OTUD6B: variants seen among roughly 807,000 people sequenced by gnomAD.
The protein encoded by OTUD6B is deubiquitinase OTUD6B.
A neutral mutation model predicts 36.9 loss-of-function variants in OTUD6B; 41 were observed. That is an observed-to-expected ratio of 1.11 (90% CI 0.87 to 1.44). OTUD6B has a LOEUF of 1.44. Among genes scored for constraint, OTUD6B ranks in the 40% most tolerant of loss-of-function variants. The probability of loss-of-function intolerance (pLI) is 0.00; values close to 1 mark genes in which losing one functional copy is unlikely to be tolerated. For missense variants in OTUD6B, 356 were observed against 344.8 expected, an observed-to-expected ratio of 1.03 and a Z score of -0.26; for synonymous variants, 114 against 114.2, an observed-to-expected ratio of 1.00 and a Z score of 0.01.
At chr8:91,076,618 G>A in intron 3 of OTUD6B, 1 of 1,532,604 alleles carries the variant, frequency 6.5e-7, no homozygotes, top group Non-Finnish European at 8.7e-7. Flanking sequence ...AGCTCTCTGT[G>A]TTGTCCTTGG....
At position 91,086,333 on chromosome 8, in the gene OTUD6B, C is replaced by A. The variant is rs1157126819; in HGVS notation, c.*1465C>A. 6.6e-6 allele frequency: 1 copy of A among 152,042 alleles called. No homozygotes were observed. Among genetic ancestry groups the A allele is most frequent in the Non-Finnish European group, 1.5e-5 (1 of 67,970 alleles). The allele number at this position is 152,042 out of a possible 1,614,324, so 9.4% of individuals were successfully genotyped here. On this transcript the variant is annotated 3_prime_UTR_variant, in exon 7 of 7. Transcript: ENST00000404789. ...GGGAAGCTGGCAGGGTCATTGATAGCAAGTAAGTACTTCCTGAAGGCTTTC... is the reference window on the plus strand; with the variant it reads ...GGGAAGCTGGCAGGGTCATTGATAGAAAGTAAGTACTTCCTGAAGGCTTTC...
chr8:91,073,879 C>G lies in OTUD6B; in HGVS notation c.283C>G (p.Pro95Ala). The change falls in exon 3 of 7, where the codon CCA (proline) becomes GCA (alanine). Residue 95 changes from proline (P) to alanine (A), a missense_variant. By Grantham distance (27) the Pro-to-Ala change is conservative (BLOSUM62 -1). Transcript: ENST00000404789. ...NISNLVLENQ[P>A]PRISKAQKRR... is the part of the protein sequence containing the mutation. ...TTCAAACTTGGTGCTTGAGAATCAG[C>G]CACCTCGGATATCAAAAGCACAAAA... 1 of 1,593,442 alleles carries G rather than the reference C, an allele frequency of 6.3e-7. No homozygotes were observed. The highest frequency in any genetic ancestry group is 1.1e-5 in the South Asian group (1 of 87,736).
intron 4 of OTUD6B, among the ~76,000 whole-genome samples, chr8:91,080,075 T>G (rs1345378944): frequency 6.6e-6 from 1 of 152,154 alleles, no homozygotes; most frequent in African/African-American, 2.4e-5. Flanking sequence ...TGATTAGGTC[T>G]TTTATTTCTC....
rs777617234 is a variant in OTUD6B at position 91,071,206 on chromosome 8, G to T, written c.151G>T (p.Asp51Tyr). Residue 51 changes from aspartate (D) to tyrosine (Y), a missense_variant, in exon 2 of 7, where the codon GAT (aspartate) becomes TAT (tyrosine). Asp to Tyr is a radical substitution (Grantham distance 160). Transcript: ENST00000404789. ...GAAGAGGAGGAAGCAACTCACCGAA[G>T]ATGTGGCCAAGTTGGAAAAAGAAAT... Reference protein sequence around the residue: ...DKKRRKQLTEDVAKLEKEMEQ... With the variant: ...DKKRRKQLTEYVAKLEKEMEQ... 2 of 1,613,868 alleles carry T rather than the reference G, an allele frequency of 1.2e-6. No homozygotes were observed. Among genetic ancestry groups the T allele is most frequent in the South Asian group, 1.1e-5 (1 of 91,078 alleles).
intron 4 of OTUD6B, 50 bp from the exon 5 acceptor site, chr8:91,080,619 C>T: frequency 6.5e-7 from 1 of 1,545,440 alleles, no homozygotes; most frequent in Non-Finnish European, 8.7e-7. Flanking sequence ...GATTTTGTAA[C>T]ATGAGTTACA....
At chr8:91,075,043 G>C (rs1048237435) in intron 3 of OTUD6B, among the ~76,000 whole-genome samples, 2 of 151,996 alleles carry the variant, frequency 1.3e-5, no homozygotes, top group African/African-American at 4.8e-5. Context: ...TGTATAGTAT[G>C]CCTCTTAAAA....
chr8:91,084,726 A>G (rs1015256553), intron 6 of OTUD6B, 58 bp from the exon 7 acceptor site: 13 of 1,333,840 alleles, frequency 9.7e-6, no homozygotes, highest in Middle Eastern at 2.4e-4. Flanking sequence ...ATAAGCATAT[A>G]TATATAGAAA....
intron 4 of OTUD6B, chr8:91,079,339 CAT>C (rs1812857519): frequency 1.3e-5 from 2 of 152,144 alleles, no homozygotes; most frequent in South Asian, 4.1e-4. Flanking sequence ...TCCCACAAGT[CAT>C]ATGGCCAGAA....
At chr8:91,070,950 T>G in intron 1 of OTUD6B, 188 bp from the exon 2 acceptor site, 2 of 538,098 alleles carry the variant, frequency 3.7e-6, no homozygotes, top group Non-Finnish European at 4.7e-6. Flanking sequence ...TTAATGAAGT[T>G]TTTTTTTTTT....
intron 5 of OTUD6B, 86 bp from the exon 6 acceptor site, chr8:91,083,922 C>T: frequency 6.6e-7 from 1 of 1,521,230 alleles, no homozygotes; most frequent in South Asian, 1.3e-5. Flanking sequence ...CAGCGTATCC[C>T]TGCTCTGACT....
At chr8:91,073,208 A>G (rs1812731415) in intron 2 of OTUD6B, among the ~76,000 whole-genome samples, 1 of 152,212 alleles carries the variant, frequency 6.6e-6, no homozygotes, top group Non-Finnish European at 1.5e-5. Flanking sequence ...TTGCAGTAAT[A>G]ATGGCTACTC....
At chr8:91,083,466 T>G (rs1055913920) in intron 5 of OTUD6B, among the ~76,000 whole-genome samples, 9 of 152,162 alleles carry the variant, frequency 5.9e-5, no homozygotes, top group Admixed American at 2.0e-4. Context: ...AGGCAGGGCT[T>G]GAGCAGTCTC....
chr8:91,075,844 T>C (rs982684920), intron 3 of OTUD6B, among the ~76,000 whole-genome samples: 1 of 152,142 alleles, frequency 6.6e-6, no homozygotes, highest in African/African-American at 2.4e-5. Flanking sequence ...ATGATGTTTA[T>C]CTTTGGGAAG....
rs1813024694 is a variant in OTUD6B at position 91,086,782 on chromosome 8, C to G, written c.*1914C>G. 6.6e-6 allele frequency: 1 copy of G among 151,972 alleles called. No homozygotes were observed. Among genetic ancestry groups the G allele is most frequent in the Non-Finnish European group, 1.5e-5 (1 of 67,910 alleles). 9.4% of individuals were successfully genotyped at this position (151,972 alleles called of 1,614,324 possible). A position where few individuals can be genotyped will look rare whatever the true frequency, so the allele number is the denominator to read the frequency against. The stretch of plus-strand genomic sequence containing the variant: ...CTTTCCTAAAACTTCAGATAAATAT[C>G]ATTTTAGCTATAACCTAAAAAAGTG... On this transcript the variant is annotated 3_prime_UTR_variant, in exon 7 of 7. Coordinates refer to ENST00000404789, the MANE Select transcript of OTUD6B (RefSeq NM_016023.5).
In OTUD6B at chr8:91,084,823, T is replaced by C; in HGVS notation, c.837T>C (p.Asn279=). Residue 279 remains asparagine (N), a synonymous_variant, in exon 7 of 7, where the codon AAT becomes AAC. Transcript: ENST00000404789. The part of the protein sequence containing the change: ...RHAYGLGEHY[N]SVTRLVNIVT... ...CATATGGCTTAGGAGAACATTATAA[T>C]TCGGTTACACGGTTGGTAAACATAG... 1 of 1,586,154 alleles carries C rather than the reference T, an allele frequency of 6.3e-7. No homozygotes were observed. Among genetic ancestry groups the C allele is most frequent in the South Asian group, 1.1e-5 (1 of 87,940 alleles).
intron 4 of OTUD6B, among the ~76,000 whole-genome samples, chr8:91,079,416 A>G (rs1398956944): frequency 1.3e-5 from 2 of 152,068 alleles, no homozygotes; most frequent in African/African-American, 2.4e-5. Context: ...CATGGAGGAA[A>G]GGTAGAGAGT....
intron 5 of OTUD6B, among the ~76,000 whole-genome samples, chr8:91,082,470 T>G (rs1018215613): frequency 2.6e-5 from 4 of 151,870 alleles, no homozygotes; most frequent in Non-Finnish European, 5.9e-5. Flanking sequence ...AGTCTCAATC[T>G]TCTAGGCTTA....
chr8:91,085,791 C>T lies in OTUD6B; in HGVS notation c.*923C>T, dbSNP rs1258043116. The T allele has an allele frequency of 6.6e-6, 1 of 152,138 alleles. No individual in the cohort carries two copies. Among genetic ancestry groups the T allele is most frequent in the Admixed American group, 6.6e-5 (1 of 15,248 alleles). 9.4% of individuals were successfully genotyped at this position (152,138 alleles called of 1,614,324 possible). ...TTAGGGAGTAGCAGTGTAAAAGGTC[C>T]AAGACCACATTTACTTGAAATTCTT... On this transcript the variant is annotated 3_prime_UTR_variant, in exon 7 of 7. Coordinates refer to ENST00000404789, the MANE Select transcript of OTUD6B (RefSeq NM_016023.5).
intron 2 of OTUD6B, 93 bp from the exon 3 acceptor site, chr8:91,073,738 T>A: frequency 1.4e-6 from 2 of 1,400,478 alleles, no homozygotes; most frequent in Non-Finnish European, 1.9e-6. Context: ...TCTATTGCTG[T>A]TACTCAAATT....
Sources: allele counts gnomAD v4.1 joint callset (sites outside exome capture counted in the v4.1 genomes callset), GRCh38; gene constraint gnomAD v4.1.1; transcripts MANE v1.5; gene names NCBI Gene and HGNC (gene_info 2026-07-23, HGNC 2026-07-21).